Variants in ADGRG6 observed in about 807,000 individuals in gnomAD.
ADGRG6 encodes the protein adhesion G protein-coupled receptor G6, also known as G-protein coupled receptor 126.
ADGRG6 carries 84 observed loss-of-function variants against 142.4 expected under a neutral mutation model. The ratio of observed to expected loss-of-function variants is 0.59; its 90% CI spans 0.49 to 0.71. The LOEUF is 0.71. Ranked by LOEUF, ADGRG6 falls within the 30% of genes least tolerant of loss-of-function variation. The pLI, the probability that ADGRG6 is intolerant of heterozygous loss-of-function variation, is 0.00. For missense variants in ADGRG6, 1,367 were observed against 1,466.6 expected (o/e 0.93, Z 1.11); for synonymous variants, 521 against 520.5 (o/e 1.00, Z -0.01).
intron 2 of ADGRG6, among the ~76,000 whole-genome samples, chr6:142,313,543 T>TA (rs1390028689): frequency 6.6e-6 from 1 of 152,174 alleles, no homozygotes. Flanking sequence ...AGCACAGTGT[T>TA]ACTCTGATAT....
At chr6:142,433,023 CA>C (rs1336833381) in intron 22 of ADGRG6, among the ~76,000 whole-genome samples, 1 of 152,184 alleles carries the variant, frequency 6.6e-6, no homozygotes, top group Non-Finnish European at 1.5e-5. Flanking sequence ...TGCTTAGGAA[CA>C]AAAGACCTTC....
chr6:142,440,180 G>T (rs773837971), intron 24 of ADGRG6, among the ~76,000 whole-genome samples: 57 of 152,216 alleles, frequency 3.7e-4, no homozygotes, highest in Admixed American at 1.0e-3. Context: ...GGGGGAAAAC[G>T]GACTAGAAGA....
chr6:142,311,091 A>G (rs1777749304), intron 2 of ADGRG6, among the ~76,000 whole-genome samples: 1 of 151,908 alleles, frequency 6.6e-6, no homozygotes, highest in Non-Finnish European at 1.5e-5. Context: ...GAATAAATGA[A>G]GCACATGTTT....
chr6:142,440,929 C>T, intron 24 of ADGRG6: 16 of 1,493,578 alleles, frequency 1.1e-5, no homozygotes, highest in Non-Finnish European at 1.4e-5. Flanking sequence ...TATGAGCATT[C>T]CTTCAACAAA....
At chr6:142,396,090 G>A (rs1247279988) in intron 9 of ADGRG6, among the ~76,000 whole-genome samples, 1 of 152,100 alleles carries the variant, frequency 6.6e-6, no homozygotes, top group Non-Finnish European at 1.5e-5. Context: ...TGACTTGTTG[G>A]GTTTGGGTAT....
intron 2 of ADGRG6, among the ~76,000 whole-genome samples, chr6:142,338,762 C>T (rs78888847): frequency 6.6e-6 from 1 of 152,110 alleles, no homozygotes; most frequent in South Asian, 2.1e-4. Flanking sequence ...TTCTTAATTT[C>T]ATCTGATATG....
At position 142,367,862 on chromosome 6, in the gene ADGRG6, A is replaced by G; in HGVS notation, c.397A>G (p.Ser133Gly). 1 of 1,612,988 alleles carries G rather than the reference A, an allele frequency of 6.2e-7. No homozygotes were observed. Among genetic ancestry groups the G allele is most frequent in the Admixed American group, 1.7e-5 (1 of 59,988 alleles). Residue 133 changes from serine (S) to glycine (G), a missense_variant, in exon 3 of 25, where the codon AGT (serine) becomes GGT (glycine). Ser to Gly is a moderately conservative substitution (Grantham distance 56). Coordinates refer to ENST00000367609, the MANE Select transcript of ADGRG6 (RefSeq NM_198569.3). ...GAATGAGATGCATGTGTCCTTTTCA[A>G]GTGACTTTAGCATCCAGAAGAAAGG... ...SANEMHVSFS[S>G]DFSIQKKGFN...
At position 142,302,307 on chromosome 6, in the gene ADGRG6, G is replaced by A. The variant is rs1777260942; in HGVS notation, c.-23G>A. On this transcript the variant is annotated 5_prime_UTR_variant, in exon 1 of 25. Transcript: ENST00000367609. ...GGAGGATGATCTTGCGGCCAAAGGG[G>A]ACCTCGGCGCAGTAATGTCAACATG... The A allele has an allele frequency of 6.2e-7, 1 of 1,612,554 alleles. No homozygotes were observed. The highest frequency in any genetic ancestry group is 1.1e-5 in the South Asian group (1 of 90,768).
intron 6 of ADGRG6, among the ~76,000 whole-genome samples, chr6:142,386,283 A>T (rs112877728): frequency 1.1e-4 from 16 of 152,204 alleles, no homozygotes; most frequent in Non-Finnish European, 2.4e-4. Flanking sequence ...ATAACATGTA[A>T]TGAAACCAAT....
At chr6:142,407,816 A>T (rs902902988) in intron 15 of ADGRG6, among the ~76,000 whole-genome samples, 3 of 152,202 alleles carry the variant, frequency 2.0e-5, no homozygotes, top group Non-Finnish European at 4.4e-5. Context: ...GAAATGATCT[A>T]ATTGTTTCAC....
Position 142,395,643 on chromosome 6 carries a change from A to G in ADGRG6, c.1424+1685A>G, listed in dbSNP as rs1051305799. On this transcript the variant is annotated intron_variant, in intron 9 of 24. Transcript: ENST00000367609. The stretch of plus-strand genomic sequence containing the variant: ...AATTATAGGGAGAATGAACTGAGAC[A>G]GTGTATATAGCAAAATCCACATATT... Among the ~76,000 whole-genome samples, 5 of 152,318 alleles carry G rather than the reference A, an allele frequency of 3.3e-5. No homozygotes were observed. The South Asian group carries it at 8.3e-4, about 25-fold the overall frequency.
intron 2 of ADGRG6, among the ~76,000 whole-genome samples, chr6:142,359,362 T>C (rs1032371731): frequency 6.6e-6 from 1 of 152,142 alleles, no homozygotes; most frequent in Admixed American, 6.5e-5. Context: ...GCCTACTTTG[T>C]CATCTTTATC....
At chr6:142,432,059 A>G (rs780734848) in intron 22 of ADGRG6, among the ~76,000 whole-genome samples, 31 of 152,182 alleles carry the variant, frequency 2.0e-4, no homozygotes, top group Non-Finnish European at 3.2e-4. Context: ...GAGGAAAAAC[A>G]AAAACAAAAA....
chr6:142,382,094 T>A, intron 5 of ADGRG6, 75 bp downstream of exon 5: 1 of 863,310 alleles, frequency 1.2e-6, no homozygotes, highest in Admixed American at 2.5e-5. Flanking sequence ...TTGTCATTGT[T>A]TTGATTTGTA....
rs767500061 is a variant in ADGRG6, at chr6:142,369,879, G to A, written c.446-291G>A. Among the ~76,000 whole-genome samples the A allele has an allele frequency of 5.9e-5, 9 of 152,206 alleles. No individual in the cohort carries two copies. In the South Asian group the frequency reaches 8.3e-4, roughly 14 times the overall value. On this transcript the variant is annotated intron_variant, in intron 3 of 24. Coordinates refer to ENST00000367609, the MANE Select transcript of ADGRG6 (RefSeq NM_198569.3). ...GGGTTTTTAAATTGTTAATTTCTTA[G>A]TTTCAGGATTAAAAAATACTTATCA...
chr6:142,385,680 C>T (rs180899845), intron 6 of ADGRG6, among the ~76,000 whole-genome samples: 8 of 152,184 alleles, frequency 5.3e-5, no homozygotes, highest in African/African-American at 1.4e-4. Context: ...CACATCTTAG[C>T]GCCTGAAGCC....
At chr6:142,352,421 A>G (rs1169341317) in intron 2 of ADGRG6, among the ~76,000 whole-genome samples, 5 of 152,120 alleles carry the variant, frequency 3.3e-5, no homozygotes, top group Non-Finnish European at 5.9e-5. Flanking sequence ...AATTGAATAC[A>G]CATGGACATA....
chr6:142,373,129 C>T (rs1781332767), intron 4 of ADGRG6, among the ~76,000 whole-genome samples: 1 of 152,158 alleles, frequency 6.6e-6, no homozygotes. Context: ...CTAACTTATC[C>T]AGTGTCTCTT....
In ADGRG6 at chr6:142,370,913, CAT is replaced by C. The variant is rs202006915; in HGVS notation, c.1069+131_1069+132del. The C allele has an allele frequency of 4.0e-4, 371 of 937,126 alleles. 1 individual carries two copies. The highest frequency in any genetic ancestry group is 4.0e-4 in the Non-Finnish European group (246 of 618,662). 58.1% of individuals were successfully genotyped at this position (937,126 alleles called of 1,614,324 possible). A position where few individuals can be genotyped will look rare whatever the true frequency, so the allele number is the denominator to read the frequency against. On this transcript the variant is annotated intron_variant, in intron 4 of 24. Coordinates refer to ENST00000367609, the MANE Select transcript of ADGRG6 (RefSeq NM_198569.3). Reference sequence around the variant, plus strand: ...CTGTATGTATATTCACACATATAGACATATATATATATGTTGTCATTAAAAAG... The same window carrying C: ...CTGTATGTATATTCACACATATAGACATATATATATGTTGTCATTAAAAAG...
Sources: allele counts gnomAD v4.1 joint callset (sites outside exome capture counted in the v4.1 genomes callset), GRCh38; gene constraint gnomAD v4.1.1; transcripts MANE v1.5; gene names NCBI Gene and HGNC (gene_info 2026-07-23, HGNC 2026-07-21).